FER: variants seen among roughly 807,000 people sequenced by gnomAD.
FER encodes the protein FER tyrosine kinase, also known as tyrosine-protein kinase Fer.
FER carries 63 observed loss-of-function variants against 111.0 expected under a neutral mutation model. The ratio of observed to expected loss-of-function variants is 0.57; its 90% CI spans 0.46 to 0.70. The LOEUF (loss-of-function observed/expected upper bound fraction) is 0.70. Among genes scored for constraint, FER ranks in the 30% least tolerant of loss-of-function variants. The pLI is 0.00. For synonymous variants in FER, 327 were observed against 313.9 expected (o/e 1.04, Z -0.44); for missense variants, 914 against 954.0 (o/e 0.96, Z 0.55).
At chr5:108,850,905 T>A (rs1762484501) in intron 5 of FER, among the ~76,000 whole-genome samples, 1 of 152,216 alleles carries the variant, frequency 6.6e-6, no homozygotes, top group Non-Finnish European at 1.5e-5. Flanking sequence ...GATTTCAGTG[T>A]CCATGGCCTT....
At chr5:108,983,829 A>G (rs962459761) in intron 13 of FER, among the ~76,000 whole-genome samples, 6 of 152,184 alleles carry the variant, frequency 3.9e-5, no homozygotes, top group African/African-American at 1.4e-4. Context: ...AAAAATGCAT[A>G]GAATTATGAG....
chr5:109,189,443 A>AAGAT lies in FER; in HGVS notation c.*1870_*1873dup, dbSNP rs1582464287. On this transcript the variant is annotated 3_prime_UTR_variant, in exon 20 of 20. Transcript: ENST00000281092. ...CTCACACCAGTACTTTAGAGTATGA[A>AAGAT]AGATAATACTGAAGAGAAAAGTGAC... The AAGAT allele has an allele frequency of 6.6e-6, 1 of 152,218 alleles. No individual in the cohort carries two copies. The highest frequency in any genetic ancestry group is 2.4e-5 in the African/African-American group (1 of 41,470). 9.4% of individuals were successfully genotyped at this position (152,218 alleles called of 1,614,324 possible). A position where few individuals can be genotyped will look rare whatever the true frequency, so the allele number is the denominator to read the frequency against.
rs552516435 is a variant in FER at position 109,101,951 on chromosome 5, A to G, written c.2048+1432A>G. On this transcript the variant is annotated intron_variant, in intron 17 of 19. Transcript: ENST00000281092. ...CCGCCTGTGGGCTTTAAACTGTAAT[A>G]AATACACATTATTGAAACTTTTTTT... Among the ~76,000 whole-genome samples the G allele has an allele frequency of 2.8e-4, 43 of 152,254 alleles. 1 individual carries two copies. The South Asian group carries it at 8.1e-3, about 29-fold the overall frequency.
chr5:108,878,843 A>C (rs994151540), intron 8 of FER, among the ~76,000 whole-genome samples: 59 of 152,292 alleles, frequency 3.9e-4, no homozygotes, highest in African/African-American at 1.4e-3. Context: ...TACACTTTTG[A>C]AGCATATATA....
At chr5:108,817,103 C>CAAAAAAAAAAAAAAAAAAA (rs70999913) in intron 3 of FER, among the ~76,000 whole-genome samples, 4 of 59,204 alleles carry the variant, frequency 6.8e-5, no homozygotes, top group Non-Finnish European at 1.2e-4. Context: ...GACACTGTCT[C>CAAAAAAAAAAAAAAAAAAA]AAAAAAAAAA....
intron 17 of FER, among the ~76,000 whole-genome samples, chr5:109,166,807 C>T (rs1262819144): frequency 6.6e-6 from 1 of 152,112 alleles, no homozygotes; most frequent in African/African-American, 2.4e-5. Context: ...TTGAGTCCCT[C>T]TCATTCGACA....
chr5:109,124,587 T>TTTGTTGTTG (rs148987260), intron 17 of FER, among the ~76,000 whole-genome samples: 57 of 150,172 alleles, frequency 3.8e-4, no homozygotes, highest in African/African-American at 9.9e-4. Context: ...TTTTAATAGT[T>TTTGTTGTTG]TTGTTGTTGT....
chr5:109,011,341 T>C (rs974172826), intron 13 of FER, among the ~76,000 whole-genome samples: 1 of 152,180 alleles, frequency 6.6e-6, no homozygotes, highest in Non-Finnish European at 1.5e-5. Context: ...GGACCTCTAA[T>C]GTTTAACATC....
Position 109,186,264 on chromosome 5 carries a change from A to T in FER, c.2268A>T (p.Leu756Phe). The T allele has an allele frequency of 6.2e-7, 1 of 1,614,120 alleles. No individual in the cohort carries two copies. Among genetic ancestry groups the T allele is most frequent in the Non-Finnish European group, 8.5e-7 (1 of 1,179,998 alleles). The change falls in exon 19 of 20, where the codon TTA (leucine) becomes TTT (phenylalanine). Residue 756 changes from leucine to phenylalanine, a missense_variant. Transcript: ENST00000281092. ...FGILLWETFS[L>F]GVCPYPGMTN... ...TCCTTCTCTGGGAGACCTTCAGCTT[A>T]GGGGTTTGTCCGTACCCTGGAATGA...
chr5:109,153,312 G>A (rs1403676232), intron 17 of FER, among the ~76,000 whole-genome samples: 1 of 151,672 alleles, frequency 6.6e-6, no homozygotes, highest in East Asian at 1.9e-4. Context: ...ACATCTTCTG[G>A]TTGTACATAT....
chr5:108,768,747 CATCCTTATTTCT>C (rs1752584472), intron 2 of FER, among the ~76,000 whole-genome samples: 1 of 152,046 alleles, frequency 6.6e-6, no homozygotes, highest in Admixed American at 6.6e-5. Context: ...CTGGATGTTC[CATCCTTATTTCT>C]ATCCTTATAT....
At chr5:109,118,599 A>G (rs1215729405) in intron 17 of FER, among the ~76,000 whole-genome samples, 1 of 152,138 alleles carries the variant, frequency 6.6e-6, no homozygotes, top group Non-Finnish European at 1.5e-5. Context: ...TCCTCCTTGT[A>G]TCTCTGGTAG....
intron 4 of FER, among the ~76,000 whole-genome samples, chr5:108,833,490 T>A (rs1483982029): frequency 6.6e-5 from 3 of 45,720 alleles, no homozygotes; most frequent in African/African-American, 6.8e-4. Context: ...TCCTACCCAC[T>A]TTTTTTTTTT....
intron 17 of FER, among the ~76,000 whole-genome samples, chr5:109,160,243 C>T (rs921036257): frequency 2.0e-5 from 3 of 152,090 alleles, no homozygotes; most frequent in African/African-American, 7.2e-5. Context: ...CTGACTGGCA[C>T]ATCTGCAGAC....
chr5:108,801,941 T>C (rs1407067136), intron 3 of FER, among the ~76,000 whole-genome samples: 1 of 152,218 alleles, frequency 6.6e-6, no homozygotes, highest in Non-Finnish European at 1.5e-5. Context: ...AAGTAGCATA[T>C]ACAGCATGGA....
chr5:108,902,257 AAGG>A (rs1233753773), intron 10 of FER, among the ~76,000 whole-genome samples: 3 of 152,336 alleles, frequency 2.0e-5, no homozygotes, highest in African/African-American at 7.2e-5. Flanking sequence ...ATAATTACAA[AAGG>A]AGAAGTACAA....
At chr5:108,922,623 AAAAT>A (rs1321574677) in intron 10 of FER, among the ~76,000 whole-genome samples, 1 of 152,192 alleles carries the variant, frequency 6.6e-6, no homozygotes, top group African/African-American at 2.4e-5. Context: ...GAATATTTAA[AAAAT>A]AAATAAGTGA....
intron 13 of FER, among the ~76,000 whole-genome samples, chr5:109,035,205 T>G (rs1770205831): frequency 6.6e-6 from 1 of 152,000 alleles, no homozygotes; most frequent in African/African-American, 2.4e-5. Context: ...AGCTAATTTT[T>G]GTATTTTAGT....
chr5:109,087,963 C>T (rs1387165888), intron 16 of FER, among the ~76,000 whole-genome samples: 1 of 151,890 alleles, frequency 6.6e-6, no homozygotes, highest in Non-Finnish European at 1.5e-5. Context: ...TAGTAATTGG[C>T]TCATGACCCA....
Sources: gnomAD v4.1 joint callset for allele counts (sites outside exome capture counted in the v4.1 genomes callset) on GRCh38, gnomAD v4.1.1 for gene constraint, MANE v1.5 for transcripts, NCBI Gene and HGNC (gene_info 2026-07-23, HGNC 2026-07-21) for gene names.